The following IL4R variants were observed in gnomAD, a reference collection of about 807,000 sequenced individuals.
IL4R encodes the protein interleukin 4 receptor.
Under a neutral mutation model 41.5 loss-of-function variants are expected in IL4R, and 17 were observed. That is an observed-to-expected ratio of 0.41 (90% CI 0.28 to 0.61). IL4R has a LOEUF of 0.61. Among genes scored for constraint, IL4R ranks in the 20% least tolerant of loss-of-function variants. The pLI is 0.31. For missense variants in IL4R, 974 were observed against 1,043.1 expected, an observed-to-expected ratio of 0.93 and a Z score of 0.91; for synonymous variants, 402 against 422.9, an observed-to-expected ratio of 0.95 and a Z score of 0.61.
Position 27,358,906 on chromosome 16 carries a change from T to C in IL4R, c.771-10T>C, listed in dbSNP as rs1596537901. 6.2e-7 allele frequency: 1 copy of C among 1,611,052 alleles called. No homozygotes were observed. Among genetic ancestry groups the C allele is most frequent in the Non-Finnish European group, 8.5e-7 (1 of 1,177,182 alleles). On this transcript the variant is annotated splice_polypyrimidine_tract_variant and intron_variant, in intron 8 of 10. Coordinates refer to ENST00000395762, the MANE Select transcript of IL4R (RefSeq NM_000418.4). ...TTCAGAGATCAACACCTTTTCCTTT[T>C]GTTTTTCAGGATTAAGAAAGAATGG...
At chr16:27,329,378 T>C (rs1009870733) in intron 1 of IL4R, among the ~76,000 whole-genome samples, 4 of 152,132 alleles carry the variant, frequency 2.6e-5, no homozygotes, top group African/African-American at 7.2e-5. Context: ...CTTTTTCTTA[T>C]GGCATATTTT....
chr16:27,327,226 A>G (rs539646324), intron 1 of IL4R, among the ~76,000 whole-genome samples: 108 of 152,090 alleles, frequency 7.1e-4, no homozygotes, highest in African/African-American at 2.5e-3. Context: ...CTGCAGAACC[A>G]GCCCCTCCTC....
intron 1 of IL4R, among the ~76,000 whole-genome samples, chr16:27,329,109 T>C (rs2085041319): frequency 6.6e-6 from 1 of 151,980 alleles, no homozygotes; most frequent in South Asian, 2.1e-4. Flanking sequence ...TCTCACAAGA[T>C]CTGGTTGTTT....
chr16:27,344,286 C>T (rs915192894), intron 4 of IL4R, among the ~76,000 whole-genome samples: 19 of 143,628 alleles, frequency 1.3e-4, no homozygotes, highest in African/African-American at 4.2e-4. Flanking sequence ...GCCTGGGTGA[C>T]AGTGAGACTT....
At chr16:27,360,676 C>G (rs928720193) in intron 9 of IL4R, 90 bp from the exon 10 acceptor site, 1 of 1,507,048 alleles carries the variant, frequency 6.6e-7, no homozygotes, top group Non-Finnish European at 9.2e-7. Flanking sequence ...TGTGTGATGT[C>G]GAGGCTTGTA....
intron 1 of IL4R, among the ~76,000 whole-genome samples, chr16:27,316,824 T>C (rs915853074): frequency 1.3e-5 from 2 of 152,178 alleles, no homozygotes; most frequent in Non-Finnish European, 2.9e-5. Flanking sequence ...ATTGTAGTGA[T>C]GACTAAATGA....
rs931959761 is a variant in IL4R at position 27,345,229 on chromosome 16, C to G, written c.361+209C>G. Reference sequence around the variant, plus strand: ...GAGCTGGTCGCAGTAGACCACCAAGCCCCCTTCAGCCCAGCTGTTTCCACC... The same window carrying G: ...GAGCTGGTCGCAGTAGACCACCAAGGCCCCTTCAGCCCAGCTGTTTCCACC... On this transcript the variant is annotated intron_variant, in intron 5 of 10. Coordinates refer to ENST00000395762, the MANE Select transcript of IL4R (RefSeq NM_000418.4). The surrounding 1 kb of genome is among the most constrained non-coding windows in gnomAD (Gnocchi z 4.5). The G allele has an allele frequency of 1.4e-6, 1 of 696,730 alleles. No individual in the cohort carries two copies. The highest frequency in any genetic ancestry group is 2.0e-5 in the Admixed American group (1 of 49,470). 43.2% of individuals were successfully genotyped at this position (696,730 alleles called of 1,614,324 possible).
At position 27,345,026 on chromosome 16, in the gene IL4R, C is replaced by T. The variant is rs1470242189; in HGVS notation, c.361+6C>T. On this transcript the variant is annotated splice_donor_region_variant and intron_variant, in intron 5 of 10. Transcript: ENST00000395762. The surrounding 1 kb of genome is among the most constrained non-coding windows in gnomAD (Gnocchi z 4.5). ...CTTCAAGCCCAGCGAGCATGGTGAG[C>T]AGGGCGGAGTGCGGCAGGGGTGGCT... The T allele has an allele frequency of 1.4e-6, 2 of 1,416,450 alleles. No homozygotes were observed. Among genetic ancestry groups the T allele is most frequent in the Non-Finnish European group, 1.9e-6 (2 of 1,053,826 alleles). 87.7% of individuals were successfully genotyped at this position (1,416,450 alleles called of 1,614,324 possible). A position where few individuals can be genotyped will look rare whatever the true frequency, so the allele number is the denominator to read the frequency against.
chr16:27,363,303 C>A lies in IL4R; in HGVS notation c.1951C>A (p.Pro651Thr). Residue 651 changes from proline (P) to threonine (T), a missense_variant, in exon 11 of 11, where the codon CCC becomes ACC. This residue lies in a region of IL4R where 682 missense variants were observed against 704.3 expected (regional missense o/e 0.97). Transcript: ENST00000395762. ...CPGDPAPVPV[P>T]LFTFGLDREP... ...TGGGGACCCTGCCCCAGTCCCTGTC[C>A]CCTTGTTCACCTTTGGACTGGACAG... 1 of 1,609,658 alleles carries A rather than the reference C, an allele frequency of 6.2e-7. No individual in the cohort carries two copies. The highest frequency in any genetic ancestry group is 8.5e-7 in the Non-Finnish European group (1 of 1,177,436).
chr16:27,346,838 T>G (rs1347635002), intron 6 of IL4R, among the ~76,000 whole-genome samples: 1 of 152,220 alleles, frequency 6.6e-6, no homozygotes, highest in African/African-American at 2.4e-5. Flanking sequence ...GGGAGTTATC[T>G]CTGCATGCCG....
intron 3 of IL4R, chr16:27,341,412 C>A: frequency 1.8e-6 from 1 of 545,382 alleles, no homozygotes; most frequent in Non-Finnish European, 3.3e-6. Context: ...ACATGGTAAG[C>A]CCTTATGCAA....
intron 2 of IL4R, among the ~76,000 whole-genome samples, chr16:27,334,051 T>C (rs557280050): frequency 1.2e-3 from 175 of 151,762 alleles, no homozygotes; most frequent in African/African-American, 4.1e-3. Flanking sequence ...CCCAGCTAAT[T>C]TTTTGTATTT....
intron 1 of IL4R, among the ~76,000 whole-genome samples, chr16:27,328,491 G>A (rs533416783): frequency 1.3e-4 from 20 of 152,052 alleles, no homozygotes; most frequent in East Asian, 5.8e-4. Context: ...CACCTGCCTC[G>A]GCCTCCCAAA....
intron 1 of IL4R, 53 bp downstream of exon 1, chr16:27,314,073 C>T (rs2084550186): frequency 4.1e-6 from 4 of 985,006 alleles, no homozygotes; most frequent in Non-Finnish European, 4.8e-6. Context: ...CGCCCGGGCA[C>T]GCCGGCTGAG....
At chr16:27,336,403 A>G (rs1353746299) in intron 2 of IL4R, among the ~76,000 whole-genome samples, 1 of 151,984 alleles carries the variant, frequency 6.6e-6, no homozygotes, top group African/African-American at 2.4e-5. Context: ...AGGGCCGGGT[A>G]CAGTGGCTCA....
At chr16:27,361,777 CTTTTT>C (rs907442818) in intron 10 of IL4R, among the ~76,000 whole-genome samples, 1 of 151,742 alleles carries the variant, frequency 6.6e-6, no homozygotes. Context: ...GCTAATTTTC[CTTTTT>C]TTTAATTCTT....
In IL4R at chr16:27,362,742, C is replaced by T; in HGVS notation, c.1390C>T (p.Pro464Ser). 6 of 1,614,090 alleles carry T rather than the reference C, an allele frequency of 3.7e-6. No individual in the cohort carries two copies. Among genetic ancestry groups the T allele is most frequent in the Non-Finnish European group, 5.1e-6 (6 of 1,180,018 alleles). Residue 464 changes from proline to serine, a missense_variant, in exon 11 of 11, where the codon CCT becomes TCT. This residue lies in a region of IL4R where 682 missense variants were observed against 704.3 expected (regional missense o/e 0.97). Coordinates refer to ENST00000395762, the MANE Select transcript of IL4R (RefSeq NM_000418.4). ...KEAPPWGKEQPLHLEPSPPAS... is the reference protein window; with the variant it reads ...KEAPPWGKEQSLHLEPSPPAS... ...GGCACCTCCCTGGGGCAAGGAGCAG[C>T]CTCTCCACCTGGAGCCAAGTCCTCC...
At chr16:27,337,873 G>T (rs929560554) in intron 2 of IL4R, among the ~76,000 whole-genome samples, 1 of 151,292 alleles carries the variant, frequency 6.6e-6, no homozygotes, top group Non-Finnish European at 1.5e-5. Flanking sequence ...TTTTTGGAGG[G>T]TATTTGACGT....
At chr16:27,315,431 T>A (rs2084614285) in intron 1 of IL4R, 1 of 152,402 alleles carries the variant, frequency 6.6e-6, no homozygotes, top group Non-Finnish European at 1.5e-5. Context: ...GAGCACCCCC[T>A]CTGCAGGAAG....
Sources: allele counts gnomAD v4.1 joint callset (sites outside exome capture counted in the v4.1 genomes callset), GRCh38; gene constraint gnomAD v4.1.1; regional missense constraint gnomAD v4.1.1; non-coding constraint Gnocchi (gnomAD v3.1); transcripts MANE v1.5; gene names NCBI Gene and HGNC (gene_info 2026-07-23, HGNC 2026-07-21).